The following ANKS1B variants were observed in gnomAD, a reference collection of about 807,000 sequenced individuals.
ANKS1B encodes ankyrin repeat and sterile alpha motif domain containing 1B.
ANKS1B carries 36 observed loss-of-function variants against 148.3 expected under a neutral mutation model. The ratio of observed to expected loss-of-function variants is 0.24; its 90% CI spans 0.19 to 0.32. The LOEUF (loss-of-function observed/expected upper bound fraction) is 0.32. Ranked by LOEUF, ANKS1B falls within the 10% of genes least tolerant of loss-of-function variation. The pLI is 1.00. For missense variants in ANKS1B, 1,157 were observed against 1,542.6 expected, an observed-to-expected ratio of 0.75 and a Z score of 4.19; for synonymous variants, 542 against 560.8, an observed-to-expected ratio of 0.97 and a Z score of 0.47.
intron 11 of ANKS1B, among the ~76,000 whole-genome samples, chr12:99,428,792 T>G (rs2095310632): frequency 6.6e-6 from 1 of 152,094 alleles, no homozygotes. Context: ...CATTTTATAC[T>G]AAGAGGAAGT....
intron 15 of ANKS1B, among the ~76,000 whole-genome samples, chr12:99,112,698 C>A (rs1566155379): frequency 6.6e-6 from 1 of 152,082 alleles, no homozygotes; most frequent in East Asian, 1.9e-4. Flanking sequence ...ACCCACAAAC[C>A]CCATGAGGTA....
chr12:98,817,053 C>A (rs959569312), intron 19 of ANKS1B, among the ~76,000 whole-genome samples: 1 of 151,636 alleles, frequency 6.6e-6, no homozygotes, highest in Non-Finnish European at 1.5e-5. Context: ...TGTCATAATA[C>A]TTTCAACACT....
intron 8 of ANKS1B, among the ~76,000 whole-genome samples, chr12:99,669,130 A>C (rs1215164784): frequency 2.0e-5 from 3 of 152,016 alleles, no homozygotes; most frequent in Admixed American, 1.3e-4. Flanking sequence ...TTATTGACTA[A>C]TTTTTTGCAT....
intron 9 of ANKS1B, among the ~76,000 whole-genome samples, chr12:99,572,919 G>C (rs188465914): frequency 6.6e-6 from 1 of 151,854 alleles, no homozygotes; most frequent in Admixed American, 6.6e-5. Context: ...GGTATATTTT[G>C]AATGTGTTAC....
intron 1 of ANKS1B, among the ~76,000 whole-genome samples, chr12:99,839,350 T>G (rs2085341649): frequency 1.3e-5 from 2 of 152,184 alleles, no homozygotes; most frequent in African/African-American, 2.4e-5. Flanking sequence ...CTGATTTCCA[T>G]CTCTACAGCT....
At chr12:99,041,011 G>A (rs1047427813) in intron 17 of ANKS1B, among the ~76,000 whole-genome samples, 1 of 152,194 alleles carries the variant, frequency 6.6e-6, no homozygotes, top group Non-Finnish European at 1.5e-5. Context: ...AGATGACGTT[G>A]TGAGTTGAGA....
intron 12 of ANKS1B, among the ~76,000 whole-genome samples, chr12:99,337,962 C>T (rs752361988): frequency 4.6e-5 from 7 of 152,204 alleles, no homozygotes. Flanking sequence ...ACTGAAATTG[C>T]ACTGGGTCAG....
intron 10 of ANKS1B, among the ~76,000 whole-genome samples, chr12:99,447,451 AC>A (rs1362149302): frequency 1.3e-5 from 2 of 152,202 alleles, no homozygotes; most frequent in East Asian, 3.9e-4. Context: ...CTCTAAAAAA[AC>A]ATTTTCTTAA....
At chr12:99,810,492 G>A (rs2153665640) in intron 3 of ANKS1B, among the ~76,000 whole-genome samples, 1 of 151,896 alleles carries the variant, frequency 6.6e-6, no homozygotes, top group East Asian at 1.9e-4. Flanking sequence ...GGAAAACTAT[G>A]ATCAGCATCA....
chr12:99,172,254 C>T (rs767703012), intron 14 of ANKS1B, among the ~76,000 whole-genome samples: 2 of 152,052 alleles, frequency 1.3e-5, no homozygotes, highest in Non-Finnish European at 2.9e-5. Flanking sequence ...AGGAAACAGA[C>T]AATCAAGGGA....
At chr12:99,252,926 A>C (rs576296405) in intron 12 of ANKS1B, among the ~76,000 whole-genome samples, 3 of 152,278 alleles carry the variant, frequency 2.0e-5, no homozygotes, top group African/African-American at 7.2e-5. Flanking sequence ...AACATTTCAT[A>C]TAATGGGGCA....
intron 17 of ANKS1B, chr12:98,895,341 G>C (rs1025067200): frequency 1.0e-6 from 1 of 983,128 alleles, no homozygotes; most frequent in Non-Finnish European, 1.2e-6. Flanking sequence ...GGAGGCCGCC[G>C]GGGCGGTAGC....
intron 8 of ANKS1B, among the ~76,000 whole-genome samples, chr12:99,670,843 A>G (rs1220680865): frequency 6.6e-6 from 1 of 152,130 alleles, no homozygotes; most frequent in Non-Finnish European, 1.5e-5. Flanking sequence ...GGCAGTATGA[A>G]TGTGCTTGCT....
chr12:99,745,784 G>T (rs1008070982), intron 8 of ANKS1B, among the ~76,000 whole-genome samples: 15 of 151,444 alleles, frequency 9.9e-5, no homozygotes, highest in African/African-American at 3.6e-4. Context: ...TGTCATATAA[G>T]AAAATATAAA....
intron 9 of ANKS1B, among the ~76,000 whole-genome samples, chr12:99,613,608 A>C (rs917087020): frequency 8.6e-5 from 13 of 152,038 alleles, no homozygotes; most frequent in African/African-American, 3.1e-4. Flanking sequence ...AGGAACAGAA[A>C]ACTAAGTATT....
intron 15 of ANKS1B, among the ~76,000 whole-genome samples, chr12:99,091,385 G>A (rs1397836746): frequency 1.3e-5 from 2 of 152,114 alleles, no homozygotes; most frequent in Non-Finnish European, 2.9e-5. Flanking sequence ...AGCAGGATTT[G>A]GTGATATCAT....
intron 4 of ANKS1B, among the ~76,000 whole-genome samples, chr12:99,784,527 G>C (rs1441996396): frequency 1.3e-5 from 2 of 152,080 alleles, no homozygotes; most frequent in Admixed American, 1.3e-4. Flanking sequence ...GGTCTCCAAG[G>C]CTGGTCTCTC....
intron 1 of ANKS1B, among the ~76,000 whole-genome samples, chr12:99,900,777 A>T (rs1420361179): frequency 1.3e-5 from 2 of 152,152 alleles, no homozygotes; most frequent in Non-Finnish European, 2.9e-5. Flanking sequence ...CGTGAGTCCT[A>T]TATACTTGCT....
chr12:98,963,596 T>G (rs2099875389), intron 17 of ANKS1B, among the ~76,000 whole-genome samples: 1 of 152,188 alleles, frequency 6.6e-6, no homozygotes, highest in South Asian at 2.1e-4. Context: ...TCCAGGCAAG[T>G]GATTTCTTGA....
Sources: gnomAD v4.1 joint callset for allele counts (sites outside exome capture counted in the v4.1 genomes callset) on GRCh38, gnomAD v4.1.1 for gene constraint, MANE v1.5 for transcripts, NCBI Gene and HGNC (gene_info 2026-07-23, HGNC 2026-07-21) for gene names.